The following TRHDE variants were observed in gnomAD, a reference collection of about 807,000 sequenced individuals.
TRHDE encodes thyrotropin-releasing hormone-degrading ectoenzyme.
In TRHDE, 72 loss-of-function variants were observed where a neutral mutation model predicts 125.7. The observed-to-expected ratio is 0.57, with a 90% CI of 0.47 to 0.70. The LOEUF (loss-of-function observed/expected upper bound fraction) is 0.70, where lower values mean the gene tolerates loss of function less well. Among genes scored for constraint, TRHDE ranks in the 30% least tolerant of loss-of-function variants. TRHDE has a pLI of 0.00. For synonymous variants in TRHDE, 509 were observed against 509.1 expected (o/e 1.00, Z 0.00); for missense variants, 1,110 against 1,327.1 (o/e 0.84, Z 2.54).
intron 3 of TRHDE, among the ~76,000 whole-genome samples, chr12:72,393,604 T>C (rs538781343): frequency 6.6e-6 from 1 of 152,290 alleles, no homozygotes; most frequent in South Asian, 2.1e-4. Flanking sequence ...TGTATATCTG[T>C]TGTCAAACAT....
chr12:72,156,280 A>G (rs956623086), intron 2 of TRHDE, among the ~76,000 whole-genome samples: 2 of 152,194 alleles, frequency 1.3e-5, no homozygotes, highest in Non-Finnish European at 2.9e-5. Context: ...CCAATTTTCC[A>G]GGTGACATCT....
intron 3 of TRHDE, among the ~76,000 whole-genome samples, chr12:72,384,973 AG>A (rs1368062712): frequency 6.6e-6 from 1 of 152,022 alleles, no homozygotes; most frequent in Admixed American, 6.6e-5. Context: ...TTTTAATTTG[AG>A]GTGACACTTA....
At chr12:72,163,703 T>C (rs910785591) in intron 2 of TRHDE, among the ~76,000 whole-genome samples, 2 of 152,220 alleles carry the variant, frequency 1.3e-5, no homozygotes, top group Non-Finnish European at 2.9e-5. Context: ...CGGCTTAAGC[T>C]AAATGAAATT....
chr12:72,604,691 A>G (rs1437669055), intron 12 of TRHDE, among the ~76,000 whole-genome samples: 2 of 152,056 alleles, frequency 1.3e-5, no homozygotes, highest in Admixed American at 6.6e-5. Flanking sequence ...TAATATTAAT[A>G]TACTTGTTCT....
intron 2 of TRHDE, among the ~76,000 whole-genome samples, chr12:72,217,336 A>G (rs1006160538): frequency 6.6e-6 from 1 of 152,146 alleles, no homozygotes; most frequent in Non-Finnish European, 1.5e-5. Context: ...TGGTTTCCTA[A>G]ATAACTATCC....
Position 72,663,235 on chromosome 12 carries a change from T to C in TRHDE, c.*40T>C. ...AAACAAACAATTCAACTCAGAAGTT[T>C]ATGAGAAGACACGCTTTTTGTGGAA... On this transcript the variant is annotated 3_prime_UTR_variant, in exon 19 of 19. Transcript: ENST00000261180. 1 of 1,493,006 alleles carries C rather than the reference T, an allele frequency of 6.7e-7. No individual in the cohort carries two copies. Among genetic ancestry groups the C allele is most frequent in the Non-Finnish European group, 9.0e-7 (1 of 1,108,212 alleles). The allele number at this position is 1,493,006 out of a possible 1,614,324, so 92.5% of individuals were successfully genotyped here.
At chr12:72,247,110 G>A (rs972034486) in intron 2 of TRHDE, among the ~76,000 whole-genome samples, 2 of 152,032 alleles carry the variant, frequency 1.3e-5, no homozygotes, top group Non-Finnish European at 2.9e-5. Context: ...TATATAAAAT[G>A]GTATAGTATT....
intron 15 of TRHDE, among the ~76,000 whole-genome samples, chr12:72,642,245 T>A (rs1874095932): frequency 6.6e-6 from 1 of 152,224 alleles, no homozygotes; most frequent in South Asian, 2.1e-4. Context: ...GTGAAACATT[T>A]TTCCTGAAAG....
chr12:72,599,359 C>T (rs984221497), intron 12 of TRHDE, among the ~76,000 whole-genome samples: 4 of 152,078 alleles, frequency 2.6e-5, no homozygotes, highest in Non-Finnish European at 4.4e-5. Flanking sequence ...AAAGTGTTCC[C>T]TTTCTCCACA....
chr12:72,465,796 C>T (rs1876344411), intron 3 of TRHDE, among the ~76,000 whole-genome samples: 1 of 152,128 alleles, frequency 6.6e-6, no homozygotes, highest in African/African-American at 2.4e-5. Flanking sequence ...AATACTTCTC[C>T]ATAGTTGCTT....
chr12:72,190,275 G>A (rs546674795), intron 2 of TRHDE, among the ~76,000 whole-genome samples: 8 of 152,216 alleles, frequency 5.3e-5, no homozygotes, highest in East Asian at 3.9e-4. Flanking sequence ...CTCATGAAGC[G>A]TTTTCTATAA....
chr12:72,383,934 A>G (rs965263597), intron 3 of TRHDE, among the ~76,000 whole-genome samples: 2 of 152,166 alleles, frequency 1.3e-5, no homozygotes, highest in Non-Finnish European at 2.9e-5. Context: ...TTTGATTGTC[A>G]GAGGAATGAT....
chr12:72,519,492 C>T (rs1879064442), intron 6 of TRHDE, among the ~76,000 whole-genome samples: 1 of 152,274 alleles, frequency 6.6e-6, no homozygotes. Flanking sequence ...TTTTCAGCTC[C>T]ATCAGCTCCT....
intron 3 of TRHDE, among the ~76,000 whole-genome samples, chr12:72,445,853 C>T (rs529631768): frequency 6.6e-6 from 1 of 152,026 alleles, no homozygotes; most frequent in African/African-American, 2.4e-5. Context: ...TGCTTGCTTT[C>T]TTTTTTCCCC....
intron 15 of TRHDE, among the ~76,000 whole-genome samples, chr12:72,648,792 A>T (rs1469572886): frequency 3.9e-5 from 6 of 152,122 alleles, no homozygotes; most frequent in African/African-American, 1.4e-4. Context: ...ATGAAAAAAA[A>T]ATACAAAAAT....
At chr12:72,329,261 T>C (rs112694491) in intron 2 of TRHDE, among the ~76,000 whole-genome samples, 2 of 152,338 alleles carry the variant, frequency 1.3e-5, no homozygotes, top group African/African-American at 4.8e-5. Flanking sequence ...ATTCATTGAA[T>C]AAACAGTAGT....
intron 2 of TRHDE, among the ~76,000 whole-genome samples, chr12:72,316,091 G>A (rs1227056639): frequency 6.6e-6 from 1 of 152,092 alleles, no homozygotes; most frequent in Non-Finnish European, 1.5e-5. Context: ...GGCCAAAGGG[G>A]TAGCTTGTCA....
At chr12:72,348,640 G>T (rs1449585369) in intron 2 of TRHDE, among the ~76,000 whole-genome samples, 1 of 151,922 alleles carries the variant, frequency 6.6e-6, no homozygotes, top group African/African-American at 2.4e-5. Flanking sequence ...TCACAATAGA[G>T]ACAAAAGCTT....
intron 12 of TRHDE, among the ~76,000 whole-genome samples, chr12:72,577,783 C>A (rs940681695): frequency 6.6e-6 from 1 of 151,954 alleles, no homozygotes; most frequent in Non-Finnish European, 1.5e-5. Flanking sequence ...CTTTCAATTC[C>A]AATTTTGCAT....
Sources: allele counts gnomAD v4.1 joint callset (sites outside exome capture counted in the v4.1 genomes callset), GRCh38; gene constraint gnomAD v4.1.1; transcripts MANE v1.5; gene names NCBI Gene and HGNC (gene_info 2026-07-23, HGNC 2026-07-21).